The following MYT1L variants were observed in gnomAD, a reference collection of about 807,000 sequenced individuals.
MYT1L encodes the protein myelin transcription factor 1-like protein.
In MYT1L, 12 loss-of-function variants were observed where a neutral mutation model predicts 126.7. That is an observed-to-expected ratio of 0.09 (90% CI 0.06 to 0.15). The LOEUF is 0.15. Among genes scored for constraint, MYT1L ranks in the 10% least tolerant of loss-of-function variants. MYT1L has a pLI of 1.00. For missense variants in MYT1L, 979 were observed against 1,585.2 expected (o/e 0.62, Z 6.49); for synonymous variants, 541 against 604.2 (o/e 0.90, Z 1.53).
chr2:2,170,691 T>C (rs1326685322), intron 3 of MYT1L, among the ~76,000 whole-genome samples: 2 of 152,256 alleles, frequency 1.3e-5, no homozygotes, highest in Non-Finnish European at 2.9e-5. Flanking sequence ...ACCCATTTAC[T>C]AAAGTACTTA....
At chr2:2,155,019 C>G (rs562866155) in intron 3 of MYT1L, among the ~76,000 whole-genome samples, 1 of 151,902 alleles carries the variant, frequency 6.6e-6, no homozygotes, top group Non-Finnish European at 1.5e-5. Flanking sequence ...CCCAGCTACT[C>G]GGGAGGCTGA....
intron 3 of MYT1L, among the ~76,000 whole-genome samples, chr2:2,108,272 C>T (rs567818855): frequency 1.1e-4 from 17 of 152,308 alleles, no homozygotes; most frequent in Admixed American, 2.6e-4. Flanking sequence ...GCTGTGGCCA[C>T]ACTGCGTATG....
At chr2:2,113,329 A>T (rs1204048984) in intron 3 of MYT1L, among the ~76,000 whole-genome samples, 1 of 152,186 alleles carries the variant, frequency 6.6e-6, no homozygotes, top group Non-Finnish European at 1.5e-5. Context: ...CTGCTGTATG[A>T]TCCAGGTGCA....
intron 8 of MYT1L, among the ~76,000 whole-genome samples, chr2:1,974,929 A>C (rs115314252): frequency 7.4e-4 from 112 of 152,320 alleles, no homozygotes; most frequent in African/African-American, 2.5e-3. Context: ...AATTCTTCAT[A>C]AACTATTAAC....
intron 18 of MYT1L, among the ~76,000 whole-genome samples, chr2:1,882,720 C>T (rs954865591): frequency 1.3e-5 from 2 of 152,196 alleles, no homozygotes; most frequent in African/African-American, 4.8e-5. Flanking sequence ...TGCACCCGAA[C>T]AATGGAAGCT....
At chr2:2,244,956 G>C (rs1473303725) in intron 2 of MYT1L, among the ~76,000 whole-genome samples, 1 of 152,160 alleles carries the variant, frequency 6.6e-6, no homozygotes. Context: ...CCCTTTAGAA[G>C]CTATGTGCAA....
At chr2:2,071,386 AG>A (rs902413234) in intron 3 of MYT1L, among the ~76,000 whole-genome samples, 2 of 152,220 alleles carry the variant, frequency 1.3e-5, no homozygotes, top group African/African-American at 2.4e-5. Flanking sequence ...AGCTCAGCAC[AG>A]GGGAAAAAAG....
chr2:2,253,549 C>T (rs73913281), intron 2 of MYT1L, among the ~76,000 whole-genome samples: 2,424 of 152,166 alleles, frequency 0.016, 64 homozygotes, highest in African/African-American at 0.056. Flanking sequence ...AAAACGAGTG[C>T]CAAGAAGGGC....
intron 5 of MYT1L, among the ~76,000 whole-genome samples, chr2:1,981,024 G>A (rs1422907564): frequency 6.6e-6 from 1 of 152,112 alleles, no homozygotes; most frequent in African/African-American, 2.4e-5. Context: ...AGACTCATTA[G>A]ATGCCTGTGG....
At chr2:1,900,679 C>T (rs1383450994) in intron 14 of MYT1L, among the ~76,000 whole-genome samples, 10 of 152,208 alleles carry the variant, frequency 6.6e-5, no homozygotes, top group Non-Finnish European at 1.2e-4. Context: ...CACGCCCACA[C>T]AATACATCCG....
chr2:2,276,181 T>C (rs1400033571), intron 2 of MYT1L, among the ~76,000 whole-genome samples: 1 of 152,144 alleles, frequency 6.6e-6, no homozygotes, highest in Non-Finnish European at 1.5e-5. Flanking sequence ...AGTGAACCTT[T>C]TTGCTAGGTA....
At chr2:1,939,077 A>G (rs1255913952) in intron 9 of MYT1L, among the ~76,000 whole-genome samples, 4 of 152,226 alleles carry the variant, frequency 2.6e-5, no homozygotes, top group Admixed American at 6.5e-5. Context: ...CTCTACTCGC[A>G]AGGCTGAGGC....
In MYT1L at chr2:1,835,014, C is replaced by A. The variant is rs561405355; in HGVS notation, c.3080+4135G>T. Among the ~76,000 whole-genome samples the A allele has an allele frequency of 2.1e-4, 26 of 122,048 alleles. 1 individual carries two copies. The highest frequency in any genetic ancestry group is 1.0e-3 in the African/African-American group (25 of 24,496). 80.1% of individuals were successfully genotyped at this position (122,048 alleles called of 152,430 possible). On this transcript the variant is annotated intron_variant, in intron 21 of 24. Transcript: ENST00000647738. ...ATGGATACAGGTACTCCTCCACATACCACGGGGATGGATACAGGTGCTCCT... is the reference window on the plus strand; with the variant it reads ...ATGGATACAGGTACTCCTCCACATAACACGGGGATGGATACAGGTGCTCCT...
Position 2,275,258 on chromosome 2 carries a change from T to C in MYT1L, c.-421+9146A>G, listed in dbSNP as rs941939538. Among the ~76,000 whole-genome samples the C allele has an allele frequency of 2.7e-5, 4 of 147,284 alleles. No individual in the cohort carries two copies. The South Asian group carries it at 8.8e-4, about 32-fold the overall frequency. On this transcript the variant is annotated intron_variant, in intron 2 of 24. Transcript: ENST00000647738. ...TGTGTGTGTGTGTGCATGCCTGTTA[T>C]AGCAGTCATGTGAAAACAAACTGCA... is the stretch of plus-strand genomic sequence containing the variant.
At chr2:1,882,374 C>T (rs1022063388) in intron 18 of MYT1L, among the ~76,000 whole-genome samples, 1 of 152,020 alleles carries the variant, frequency 6.6e-6, no homozygotes, top group Non-Finnish European at 1.5e-5. Context: ...TCGGGTGAGC[C>T]AAGTCAGCTG....
At chr2:1,952,631 CT>C (rs1263030102) in intron 8 of MYT1L, among the ~76,000 whole-genome samples, 1 of 151,232 alleles carries the variant, frequency 6.6e-6, no homozygotes, top group Non-Finnish European at 1.5e-5. Context: ...AATGCGAACC[CT>C]TGTGTGCCAC....
chr2:2,008,015 T>A (rs933161828), intron 4 of MYT1L, among the ~76,000 whole-genome samples: 3 of 152,190 alleles, frequency 2.0e-5, no homozygotes, highest in African/African-American at 7.2e-5. Flanking sequence ...ATCTCTATAG[T>A]AGAACCTACG....
At chr2:2,149,517 G>C (rs2085409243) in intron 3 of MYT1L, among the ~76,000 whole-genome samples, 1 of 152,170 alleles carries the variant, frequency 6.6e-6, no homozygotes. Flanking sequence ...ATTGTTCTCA[G>C]AACCATATGC....
At chr2:2,077,783 T>C (rs548630611) in intron 3 of MYT1L, among the ~76,000 whole-genome samples, 1 of 152,286 alleles carries the variant, frequency 6.6e-6, no homozygotes, top group East Asian at 1.9e-4. Context: ...AGAGAATTTA[T>C]TGCTAGAAGA....
Sources: gnomAD v4.1 joint callset for allele counts (sites outside exome capture counted in the v4.1 genomes callset) on GRCh38, gnomAD v4.1.1 for gene constraint, MANE v1.5 for transcripts, NCBI Gene and HGNC (gene_info 2026-07-23, HGNC 2026-07-21) for gene names.